Variants in SNTG1 observed in about 807,000 individuals in gnomAD.
SNTG1 encodes syntrophin gamma 1.
In SNTG1, 39 loss-of-function variants were observed where a neutral mutation model predicts 74.7. The ratio of observed to expected loss-of-function variants is 0.52; its 90% CI spans 0.40 to 0.68. The LOEUF is 0.68. Ranked by LOEUF, SNTG1 falls within the 30% of genes least tolerant of loss-of-function variation. SNTG1 has a pLI of 0.00. For missense variants in SNTG1, 685 were observed against 609.5 expected (o/e 1.12, Z -1.30); for synonymous variants, 254 against 217.1 (o/e 1.17, Z -1.49).
chr8:50,010,932 C>T (rs1305129472), intron 1 of SNTG1, among the ~76,000 whole-genome samples: 1 of 151,798 alleles, frequency 6.6e-6, no homozygotes, highest in Non-Finnish European at 1.5e-5. Flanking sequence ...CACACCATTG[C>T]TCATTCATTT....
At chr8:50,614,636 G>A (rs1488207417) in intron 13 of SNTG1, among the ~76,000 whole-genome samples, 3 of 152,082 alleles carry the variant, frequency 2.0e-5, no homozygotes, top group Non-Finnish European at 4.4e-5. Context: ...ACCCACAGAA[G>A]CATGAGTAAA....
chr8:50,308,901 T>G (rs753390308), intron 2 of SNTG1, among the ~76,000 whole-genome samples: 14 of 130,996 alleles, frequency 1.1e-4, no homozygotes, highest in Admixed American at 2.9e-4. Context: ...TGATGTTTTG[T>G]TTTTTTTTAA....
intron 4 of SNTG1, among the ~76,000 whole-genome samples, chr8:50,415,754 A>G (rs1274338650): frequency 1.3e-5 from 2 of 152,176 alleles, no homozygotes; most frequent in African/African-American, 4.8e-5. Flanking sequence ...AAACGGTAAG[A>G]TAGCCACCTT....
chr8:50,673,406 G>A (rs373348662), intron 15 of SNTG1, among the ~76,000 whole-genome samples: 60 of 151,690 alleles, frequency 4.0e-4, no homozygotes, highest in Admixed American at 3.9e-3. Flanking sequence ...CCTGTTAGCT[G>A]TATTTCTAGG....
At chr8:50,781,299 T>C (rs1458783696) in intron 18 of SNTG1, among the ~76,000 whole-genome samples, 2 of 152,076 alleles carry the variant, frequency 1.3e-5, no homozygotes, top group Non-Finnish European at 1.5e-5. Flanking sequence ...ATGTTGACAG[T>C]GGGGTGTTAA....
At chr8:50,127,688 T>C (rs534597291) in intron 1 of SNTG1, among the ~76,000 whole-genome samples, 1 of 152,328 alleles carries the variant, frequency 6.6e-6, no homozygotes, top group South Asian at 2.1e-4. Flanking sequence ...TAATTTTTAA[T>C]AATGCTTCAT....
At chr8:50,711,251 C>G (rs189809248) in intron 17 of SNTG1, among the ~76,000 whole-genome samples, 23 of 152,030 alleles carry the variant, frequency 1.5e-4, no homozygotes, top group African/African-American at 5.5e-4. Flanking sequence ...TAGTTATTTT[C>G]TATCTATTTT....
intron 1 of SNTG1, among the ~76,000 whole-genome samples, chr8:50,138,530 CAGG>C (rs2081551790): frequency 6.6e-6 from 1 of 151,592 alleles, no homozygotes; most frequent in South Asian, 2.1e-4. Flanking sequence ...GAGGCTGAGG[CAGG>C]AGAATTGCTT....
intron 12 of SNTG1, among the ~76,000 whole-genome samples, chr8:50,587,233 T>C (rs963578038): frequency 4.6e-5 from 7 of 150,892 alleles, no homozygotes; most frequent in African/African-American, 1.7e-4. Context: ...TGTAGGTATA[T>C]ATGTATGTAT....
At chr8:50,670,171 A>T (rs1029852969) in intron 15 of SNTG1, among the ~76,000 whole-genome samples, 1 of 152,174 alleles carries the variant, frequency 6.6e-6, no homozygotes, top group Non-Finnish European at 1.5e-5. Flanking sequence ...TATTCAACAT[A>T]GTGTTGGAAG....
chr8:50,416,171 G>A (rs983755831), intron 4 of SNTG1, among the ~76,000 whole-genome samples: 5 of 152,122 alleles, frequency 3.3e-5, no homozygotes, highest in African/African-American at 9.7e-5. Context: ...ATAATCATCA[G>A]TATGGATATT....
chr8:50,749,576 G>A (rs1009176792), intron 17 of SNTG1, among the ~76,000 whole-genome samples: 3 of 151,966 alleles, frequency 2.0e-5, no homozygotes, highest in Non-Finnish European at 2.9e-5. Flanking sequence ...AAACTTCAAA[G>A]GATAGGCTGC....
chr8:50,541,243 CTGTGTGTGTGTGTGTG>C, intron 11 of SNTG1, among the ~76,000 whole-genome samples: 1 of 143,060 alleles, frequency 7.0e-6, no homozygotes, highest in South Asian at 2.2e-4. Context: ...AAGATTTTAC[CTGTGTGTGTGTGTGTG>C]TGTGTGTGTG....
intron 2 of SNTG1, among the ~76,000 whole-genome samples, chr8:50,378,633 T>G (rs935485254): frequency 6.6e-6 from 1 of 152,046 alleles, no homozygotes; most frequent in Non-Finnish European, 1.5e-5. Context: ...GATATCCCAA[T>G]GAGTGTTCAG....
intron 1 of SNTG1, among the ~76,000 whole-genome samples, chr8:50,103,295 C>A (rs1332009240): frequency 6.6e-6 from 1 of 152,118 alleles, no homozygotes; most frequent in Non-Finnish European, 1.5e-5. Flanking sequence ...AAGTTGGATT[C>A]TTAGGTATTT....
At position 50,377,397 on chromosome 8, in the gene SNTG1, A is replaced by T. The variant is rs144414725; in HGVS notation, c.-27-16815A>T. Among the ~76,000 whole-genome samples the T allele has an allele frequency of 8.9e-4, 135 of 152,306 alleles. 3 individuals carry two copies. The East Asian group carries it at 0.025, about 28-fold the overall frequency. ...CATTTTTTAGATTTGAAGGAGGAGA[A>T]CAATTTTGCAAAATAGGGTATTCTT... On this transcript the variant is annotated intron_variant, in intron 2 of 18. Coordinates refer to ENST00000642720, the MANE Select transcript of SNTG1 (RefSeq NM_018967.5).
At chr8:50,104,259 G>A (rs1237848543) in intron 1 of SNTG1, among the ~76,000 whole-genome samples, 1 of 152,172 alleles carries the variant, frequency 6.6e-6, no homozygotes, top group Non-Finnish European at 1.5e-5. Context: ...AGTCTATTCA[G>A]AGATTCAACT....
At chr8:50,324,007 C>A (rs950908253) in intron 2 of SNTG1, among the ~76,000 whole-genome samples, 1 of 152,184 alleles carries the variant, frequency 6.6e-6, no homozygotes, top group South Asian at 2.1e-4. Context: ...CCTAACCCAC[C>A]TGCTCTAAGC....
intron 1 of SNTG1, among the ~76,000 whole-genome samples, chr8:49,934,853 T>A (rs555764136): frequency 6.6e-6 from 1 of 151,664 alleles, no homozygotes; most frequent in South Asian, 2.1e-4. Flanking sequence ...ATAGCTCAAA[T>A]GGGATAGGAT....
Sources: gnomAD v4.1 joint callset for allele counts (sites outside exome capture counted in the v4.1 genomes callset) on GRCh38, gnomAD v4.1.1 for gene constraint, MANE v1.5 for transcripts, NCBI Gene and HGNC (gene_info 2026-07-23, HGNC 2026-07-21) for gene names.